CDH12: variants seen among roughly 807,000 people sequenced by gnomAD.
CDH12 encodes cadherin 12, also known as cadherin-12.
A neutral mutation model predicts 74.1 loss-of-function variants in CDH12; 41 were observed. That is an observed-to-expected ratio of 0.55 (90% CI 0.43 to 0.72). CDH12 has a LOEUF of 0.72. Among genes scored for constraint, CDH12 ranks in the 30% least tolerant of loss-of-function variants. The pLI is 0.00. For synonymous variants in CDH12, 399 were observed against 355.0 expected (o/e 1.12, Z -1.39); for missense variants, 945 against 977.2 (o/e 0.97, Z 0.44).
intron 1 of CDH12, among the ~76,000 whole-genome samples, chr5:22,564,395 A>C (rs904025367): frequency 6.6e-6 from 1 of 152,178 alleles, no homozygotes; most frequent in African/African-American, 2.4e-5. Flanking sequence ...CTCCAATGTG[A>C]CTTATGAATA....
chr5:22,409,957 C>T (rs1221754314), intron 2 of CDH12, among the ~76,000 whole-genome samples: 1 of 151,852 alleles, frequency 6.6e-6, no homozygotes, highest in African/African-American at 2.4e-5. Context: ...TATAAAAGTG[C>T]GGATGATGAT....
At chr5:22,630,332 T>C (rs1738519182) in intron 1 of CDH12, among the ~76,000 whole-genome samples, 1 of 151,892 alleles carries the variant, frequency 6.6e-6, no homozygotes, top group African/African-American at 2.4e-5. Context: ...GGAACAAAAC[T>C]GGAGGTATCA....
At chr5:21,894,630 A>G (rs1753041535) in intron 6 of CDH12, among the ~76,000 whole-genome samples, 1 of 152,148 alleles carries the variant, frequency 6.6e-6, no homozygotes, top group Non-Finnish European at 1.5e-5. Context: ...CTTTCTTTAT[A>G]CAGCTATATT....
chr5:22,178,494 CAG>C (rs1222034066), intron 4 of CDH12, among the ~76,000 whole-genome samples: 1 of 152,156 alleles, frequency 6.6e-6, no homozygotes, highest in Non-Finnish European at 1.5e-5. Flanking sequence ...CTTTATGCAA[CAG>C]AGTTTATTCA....
At chr5:22,626,677 A>C (rs1738315621) in intron 1 of CDH12, among the ~76,000 whole-genome samples, 1 of 152,210 alleles carries the variant, frequency 6.6e-6, no homozygotes, top group African/African-American at 2.4e-5. Flanking sequence ...CTGGCAACTC[A>C]AAAAGCCAGA....
At chr5:22,633,938 C>T (rs1738706565) in intron 1 of CDH12, among the ~76,000 whole-genome samples, 1 of 151,872 alleles carries the variant, frequency 6.6e-6, no homozygotes, top group Admixed American at 6.6e-5. Flanking sequence ...AATATATTAG[C>T]ACGTAAATGA....
chr5:22,699,953 T>G (rs1289525084), intron 1 of CDH12, among the ~76,000 whole-genome samples: 1 of 152,108 alleles, frequency 6.6e-6, no homozygotes, highest in Admixed American at 6.6e-5. Flanking sequence ...GGCAGGCAGA[T>G]TGTTTGAGGC....
chr5:22,272,041 C>T (rs776388091), intron 3 of CDH12, among the ~76,000 whole-genome samples: 1 of 152,150 alleles, frequency 6.6e-6, no homozygotes, highest in African/African-American at 2.4e-5. Context: ...CAAGCATTGA[C>T]TTCTATGTAG....
chr5:21,828,184 A>T (rs544936692), intron 8 of CDH12, among the ~76,000 whole-genome samples: 1 of 151,394 alleles, frequency 6.6e-6, no homozygotes, highest in African/African-American at 2.4e-5. Flanking sequence ...GTGCAGTGAC[A>T]GGATCTCATC....
At chr5:21,883,230 A>G (rs753609380) in intron 6 of CDH12, 40 of 1,365,764 alleles carry the variant, frequency 2.9e-5, no homozygotes, top group Non-Finnish European at 4.1e-5. Context: ...ATTAGAAATT[A>G]TTGAAGGCAT....
chr5:22,435,238 A>G (rs1744330203), intron 2 of CDH12, among the ~76,000 whole-genome samples: 1 of 152,026 alleles, frequency 6.6e-6, no homozygotes, highest in South Asian at 2.1e-4. Flanking sequence ...CCCAGGCTTC[A>G]CCTTTCTCCT....
rs577431846 is a variant in CDH12, at chr5:22,512,325, C to T, written c.-522-6961G>A. ...TTTGTGTTCTTCTACCTGATTCTGG[C>T]ATAAAGATAAATCCTCTTGTAATTA... On this transcript the variant is annotated intron_variant, in intron 1 of 14. Coordinates refer to ENST00000382254, the MANE Select transcript of CDH12 (RefSeq NM_004061.5). Among the ~76,000 whole-genome samples, 9 of 152,220 alleles carry T rather than the reference C, an allele frequency of 5.9e-5. 1 individual carries two copies. Among genetic ancestry groups the T allele is most frequent in the Admixed American group, 2.6e-4 (4 of 15,280 alleles).
chr5:22,136,913 A>G (rs1019451441), intron 4 of CDH12, among the ~76,000 whole-genome samples: 1 of 151,834 alleles, frequency 6.6e-6, no homozygotes, highest in Non-Finnish European at 1.5e-5. Flanking sequence ...TAATTAAATA[A>G]ATTAATAAAA....
intron 5 of CDH12, among the ~76,000 whole-genome samples, chr5:22,012,069 T>C (rs1324517924): frequency 6.6e-6 from 1 of 152,112 alleles, no homozygotes; most frequent in Non-Finnish European, 1.5e-5. Flanking sequence ...CATACTCTTA[T>C]ATAATTAAAA....
At chr5:22,838,826 A>G (rs1165268515) in intron 1 of CDH12, among the ~76,000 whole-genome samples, 2 of 151,872 alleles carry the variant, frequency 1.3e-5, no homozygotes, top group Non-Finnish European at 1.5e-5. Flanking sequence ...CTACAGGCAC[A>G]CGCCACAATG....
chr5:22,380,470 A>C (rs1174974988), intron 3 of CDH12, among the ~76,000 whole-genome samples: 1 of 152,166 alleles, frequency 6.6e-6, no homozygotes, highest in African/African-American at 2.4e-5. Context: ...ATATAGAATT[A>C]GATACTATTT....
At chr5:22,399,648 T>A (rs950616257) in intron 3 of CDH12, among the ~76,000 whole-genome samples, 1 of 152,116 alleles carries the variant, frequency 6.6e-6, no homozygotes, top group African/African-American at 2.4e-5. Context: ...TAACAGATGG[T>A]GTAACATGAA....
At chr5:22,331,112 T>A (rs968381964) in intron 3 of CDH12, among the ~76,000 whole-genome samples, 1 of 152,156 alleles carries the variant, frequency 6.6e-6, no homozygotes, top group Admixed American at 6.5e-5. Context: ...TGCATTGTGG[T>A]TTGAGTGCCA....
chr5:22,134,192 T>G (rs530864192), intron 4 of CDH12, among the ~76,000 whole-genome samples: 1 of 152,160 alleles, frequency 6.6e-6, no homozygotes, highest in African/African-American at 2.4e-5. Context: ...AGATGAAGAG[T>G]TCTACCCATC....
Sources: gnomAD v4.1 joint callset for allele counts (sites outside exome capture counted in the v4.1 genomes callset) on GRCh38, gnomAD v4.1.1 for gene constraint, MANE v1.5 for transcripts, NCBI Gene and HGNC (gene_info 2026-07-23, HGNC 2026-07-21) for gene names.